DLGAP4: variants seen among roughly 807,000 people sequenced by gnomAD.
DLGAP4 encodes DLG associated protein 4.
DLGAP4 carries 18 observed loss-of-function variants against 86.9 expected under a neutral mutation model. That is an observed-to-expected ratio of 0.21 (90% confidence interval 0.14 to 0.31). DLGAP4 has a LOEUF of 0.31. Among genes scored for constraint, DLGAP4 ranks in the 10% least tolerant of loss-of-function variants. The pLI, the probability that DLGAP4 is intolerant of heterozygous loss-of-function variation, is 1.00. For missense variants in DLGAP4, 1,085 were observed against 1,362.6 expected, an observed-to-expected ratio of 0.80 and a Z score of 3.21; for synonymous variants, 548 against 574.3, an observed-to-expected ratio of 0.95 and a Z score of 0.65.
intron 2 of DLGAP4, among the ~76,000 whole-genome samples, chr20:36,396,325 A>ACACACACG (rs2031948760): frequency 4.4e-5 from 3 of 68,832 alleles, no homozygotes; most frequent in Non-Finnish European, 1.0e-4. Flanking sequence ...AACCCAGCAC[A>ACACACACG]CACACACACA....
At chr20:36,340,207 C>G (rs540968071) in intron 1 of DLGAP4, among the ~76,000 whole-genome samples, 1 of 152,164 alleles carries the variant, frequency 6.6e-6, no homozygotes, top group Non-Finnish European at 1.5e-5. Context: ...TCCCCAACAT[C>G]AGCTCCTCCC....
chr20:36,463,943 C>G (rs2034220090), intron 7 of DLGAP4, among the ~76,000 whole-genome samples: 1 of 152,212 alleles, frequency 6.6e-6, no homozygotes, highest in Non-Finnish European at 1.5e-5. Context: ...GAGGTTTGAG[C>G]CAGGACTTCT....
intron 2 of DLGAP4, among the ~76,000 whole-genome samples, chr20:36,409,793 G>A (rs890317801): frequency 6.6e-6 from 1 of 151,738 alleles, no homozygotes; most frequent in African/African-American, 2.4e-5. Flanking sequence ...CAGCACTTTG[G>A]GAGGCCAAGG....
chr20:36,421,406 C>G (rs1330468582), intron 2 of DLGAP4, among the ~76,000 whole-genome samples: 1 of 149,728 alleles, frequency 6.7e-6, no homozygotes, highest in Non-Finnish European at 1.5e-5. Context: ...TGCAGTGAGC[C>G]GAGATCGCAC....
chr20:36,349,676 T>C (rs2030079240), intron 1 of DLGAP4, among the ~76,000 whole-genome samples: 1 of 152,102 alleles, frequency 6.6e-6, no homozygotes, highest in Non-Finnish European at 1.5e-5. Flanking sequence ...GGGCGATGGA[T>C]ATGACGTGCC....
At chr20:36,426,051 A>C (rs1283517659) in intron 2 of DLGAP4, among the ~76,000 whole-genome samples, 1 of 152,246 alleles carries the variant, frequency 6.6e-6, no homozygotes, top group East Asian at 1.9e-4. Flanking sequence ...AATATGATGC[A>C]GCCATAAAAC....
chr20:36,446,724 T>C lies in DLGAP4; in HGVS notation c.1435T>C (p.Tyr479His). 6.2e-7 allele frequency: 1 copy of C among 1,611,062 alleles called. No individual in the cohort carries two copies. Among genetic ancestry groups the C allele is most frequent in the Middle Eastern group, 1.7e-4 (1 of 6,036 alleles). Residue 479 changes from tyrosine to histidine, a missense_variant, in exon 7 of 13, where the codon TAT becomes CAT. Transcript: ENST00000339266. The part of the protein sequence containing the change: ...QVREAELSDQ[Y>H]EAACESACSE... ...ACGGGAGGCAGAGCTGAGTGACCAGTATGAGGCGGCCTGCGAGTCAGCCTG... is the reference window on the plus strand; with the variant it reads ...ACGGGAGGCAGAGCTGAGTGACCAGCATGAGGCGGCCTGCGAGTCAGCCTG...
intron 2 of DLGAP4, among the ~76,000 whole-genome samples, chr20:36,383,346 T>C (rs564634137): frequency 6.6e-6 from 1 of 152,154 alleles, no homozygotes; most frequent in South Asian, 2.1e-4. Flanking sequence ...AGTGATGGAG[T>C]GGGACAGGCT....
chr20:36,523,783 C>T (rs1216007579), intron 10 of DLGAP4, among the ~76,000 whole-genome samples: 2 of 152,204 alleles, frequency 1.3e-5, no homozygotes, highest in Admixed American at 1.3e-4. Context: ...CCTGCCTCAG[C>T]CTCCTGAGTA....
At chr20:36,360,139 T>C (rs889292191) in intron 1 of DLGAP4, among the ~76,000 whole-genome samples, 2 of 152,262 alleles carry the variant, frequency 1.3e-5, no homozygotes, top group African/African-American at 2.4e-5. Flanking sequence ...GCATTAGCTC[T>C]GCCCTCACAG....
chr20:36,427,032 G>GT (rs1374193212), intron 2 of DLGAP4, among the ~76,000 whole-genome samples: 1 of 151,202 alleles, frequency 6.6e-6, no homozygotes, highest in Non-Finnish European at 1.5e-5. Context: ...AAAAAAAAAT[G>GT]TTTTTTCTAA....
chr20:36,515,273 G>C (rs946740787), intron 10 of DLGAP4, among the ~76,000 whole-genome samples: 31 of 152,194 alleles, frequency 2.0e-4, no homozygotes, highest in African/African-American at 5.8e-4. Flanking sequence ...GATGTTCACT[G>C]ATCCATTCTG....
chr20:36,524,147 A>T (rs1215667954), intron 10 of DLGAP4, 103 bp from the exon 11 acceptor site: 4 of 854,496 alleles, frequency 4.7e-6, no homozygotes, highest in Non-Finnish European at 4.0e-6. Context: ...TGAAATAATG[A>T]GTTCTACCCT....
chr20:36,432,122 C>A lies in DLGAP4; in HGVS notation c.405C>A (p.Ser135Arg). The A allele has an allele frequency of 6.2e-7, 1 of 1,614,168 alleles. No homozygotes were observed. The highest frequency in any genetic ancestry group is 1.1e-5 in the South Asian group (1 of 91,082). Residue 135 changes from serine (S) to arginine (R), a missense_variant, in exon 3 of 13, where the codon AGC becomes AGA. By Grantham distance (110) the Ser-to-Arg change is moderately radical (BLOSUM62 -1). Coordinates refer to ENST00000339266, the MANE Select transcript of DLGAP4 (RefSeq NM_001365621.2). The surrounding 1 kb of genome is among the most constrained non-coding windows in gnomAD (Gnocchi z 6.5). Reference protein sequence around the residue: ...PRGEAKARGESPGRIRHLVHS... With the variant: ...PRGEAKARGERPGRIRHLVHS... ...GCGAGGCCAAGGCCCGTGGTGAGAG[C>A]CCTGGCCGCATCCGCCACCTGGTCC...
At chr20:36,347,014 G>A (rs188905644) in intron 1 of DLGAP4, among the ~76,000 whole-genome samples, 4 of 152,340 alleles carry the variant, frequency 2.6e-5, no homozygotes, top group South Asian at 4.1e-4. Flanking sequence ...CCAGTGTGTG[G>A]TGTGGGCATT....
intron 10 of DLGAP4, among the ~76,000 whole-genome samples, chr20:36,501,873 T>C (rs1446013010): frequency 6.6e-6 from 1 of 152,286 alleles, no homozygotes. Flanking sequence ...ACCTAGTAAC[T>C]TTTTACAATA....
chr20:36,448,292 G>A (rs2033653271), intron 7 of DLGAP4, among the ~76,000 whole-genome samples: 1 of 152,192 alleles, frequency 6.6e-6, no homozygotes, highest in Non-Finnish European at 1.5e-5. Flanking sequence ...GAAAGGTGAA[G>A]TGAGCTGTGT....
chr20:36,371,866 GC>G (rs1458196578), intron 2 of DLGAP4, among the ~76,000 whole-genome samples: 2 of 152,178 alleles, frequency 1.3e-5, no homozygotes, highest in African/African-American at 4.8e-5. Flanking sequence ...GGAAGTGGGG[GC>G]ATGGGTGATC....
In DLGAP4 at chr20:36,439,751, C is replaced by A. The variant is rs1436177488; in HGVS notation, c.1242-3C>A. On this transcript the variant is annotated splice_polypyrimidine_tract_variant and splice_region_variant and intron_variant, in intron 4 of 12. Coordinates refer to ENST00000339266, the MANE Select transcript of DLGAP4 (RefSeq NM_001365621.2). The stretch of plus-strand genomic sequence containing the variant: ...GCCCTGTCTGCTCCCCACTCCCCAC[C>A]AGGAGTCTGGACCGCCTGGATTCAG... 8 of 1,612,004 alleles carry A rather than the reference C, an allele frequency of 5.0e-6. No homozygotes were observed. Among genetic ancestry groups the A allele is most frequent in the Non-Finnish European group, 6.8e-6 (8 of 1,179,434 alleles).
Sources: gnomAD v4.1 joint callset for allele counts (sites outside exome capture counted in the v4.1 genomes callset) on GRCh38, gnomAD v4.1.1 for gene constraint, Gnocchi (gnomAD v3.1) non-coding constraint, MANE v1.5 for transcripts, NCBI Gene and HGNC (gene_info 2026-07-23, HGNC 2026-07-21) for gene names.